The following SYTL5 variants were observed in gnomAD, a reference collection of about 807,000 sequenced individuals.
SYTL5 encodes synaptotagmin-like protein 5.
SYTL5 carries 34 observed loss-of-function variants against 55.9 expected under a neutral mutation model. That is an observed-to-expected ratio of 0.61 (90% confidence interval 0.46 to 0.81). SYTL5 has a LOEUF of 0.81. Ranked by LOEUF, SYTL5 falls within the 30% of genes least tolerant of loss-of-function variation. SYTL5 has a pLI of 0.00. For synonymous variants in SYTL5, 221 were observed against 188.7 expected, an observed-to-expected ratio of 1.17 and a Z score of -1.40; for missense variants, 637 against 546.7, an observed-to-expected ratio of 1.17 and a Z score of -1.65.
the SYTL5 span, among the ~76,000 whole-genome samples, chrX:37,927,494 G>A: frequency 1.8e-5 from 2 of 111,109 alleles, no homozygotes; most frequent in Admixed American, 9.6e-5. Flanking sequence ...AAACTGGCAG[G>A]GCTAGGTGTG....
At chrX:38,093,642 A>G (rs1936851205) in intron 7 of SYTL5, among the ~76,000 whole-genome samples, 1 of 111,518 alleles carries the variant, frequency 9.0e-6, no homozygotes, top group African/African-American at 3.3e-5. Flanking sequence ...ACTGAATTCT[A>G]CCACATGTAC....
At chrX:37,889,598 T>A in the SYTL5 span, among the ~76,000 whole-genome samples, 3 of 111,199 alleles carry the variant, frequency 2.7e-5, no homozygotes, top group South Asian at 7.5e-4. Flanking sequence ...GGGGGGATAA[T>A]CATACAAAGA....
At chrX:38,024,801 C>T (rs1934699439) in intron 1 of SYTL5, among the ~76,000 whole-genome samples, 1 of 111,382 alleles carries the variant, frequency 9.0e-6, no homozygotes, top group African/African-American at 3.3e-5. Context: ...AAGTTGATGG[C>T]ACTGTTAGCC....
chrX:37,928,997 G>C, the SYTL5 span, among the ~76,000 whole-genome samples: 1 of 112,435 alleles, frequency 8.9e-6, no homozygotes, highest in East Asian at 2.8e-4. Flanking sequence ...CTTGGAGTTT[G>C]TGCTTGTAAC....
the SYTL5 span, among the ~76,000 whole-genome samples, chrX:37,911,341 G>C: frequency 9.0e-6 from 1 of 110,975 alleles, no homozygotes; most frequent in African/African-American, 3.3e-5. Context: ...TGAGAAAGTG[G>C]GAGAAAATGC....
intron 11 of SYTL5, among the ~76,000 whole-genome samples, chrX:38,107,905 A>G (rs1468197678): frequency 1.8e-5 from 2 of 112,249 alleles, no homozygotes; most frequent in African/African-American, 6.5e-5. Flanking sequence ...GAACTTTGGT[A>G]GCATCTTATA....
At chrX:38,116,016 A>C (rs1177310587) in intron 13 of SYTL5, among the ~76,000 whole-genome samples, 1 of 110,959 alleles carries the variant, frequency 9.0e-6, no homozygotes, top group South Asian at 3.8e-4. Flanking sequence ...AATTTCCCAG[A>C]CCTATGTTGT....
At chrX:38,000,445 G>T in the SYTL5 span, among the ~76,000 whole-genome samples, 3 of 112,522 alleles carry the variant, frequency 2.7e-5, no homozygotes, top group Non-Finnish European at 5.6e-5. Context: ...TGATGGACGT[G>T]TGGCTCACTT....
At chrX:38,094,231 T>C (rs896995148) in intron 7 of SYTL5, 64 bp from the exon 8 acceptor site, 1 of 1,006,565 alleles carries the variant, frequency 9.9e-7, no homozygotes, top group Non-Finnish European at 1.4e-6. Context: ...TATATTTATG[T>C]AGATGAATTT....
At chrX:38,080,739 A>G (rs1463334828) in intron 6 of SYTL5, among the ~76,000 whole-genome samples, 1 of 112,192 alleles carries the variant, frequency 8.9e-6, no homozygotes, top group Non-Finnish European at 1.9e-5. Flanking sequence ...AACCCATTCT[A>G]TCACTAAATG....
chrX:38,015,151 C>T (rs1015570924), intron 1 of SYTL5, among the ~76,000 whole-genome samples: 1 of 112,012 alleles, frequency 8.9e-6, no homozygotes, highest in African/African-American at 3.2e-5. Flanking sequence ...TACCATGACT[C>T]ATAAGGAAAA....
At chrX:38,062,936 A>T (rs1402133986) in intron 3 of SYTL5, among the ~76,000 whole-genome samples, 2 of 111,487 alleles carry the variant, frequency 1.8e-5, no homozygotes, top group Non-Finnish European at 3.8e-5. Flanking sequence ...CCAATGTTAG[A>T]ATTGTCCCCA....
chrX:38,022,794 C>T (rs1464075590), intron 1 of SYTL5, among the ~76,000 whole-genome samples: 1 of 112,059 alleles, frequency 8.9e-6, no homozygotes, highest in Non-Finnish European at 1.9e-5. Flanking sequence ...GATAGCTAAG[C>T]TAAACTAGGA....
At chrX:38,034,834 A>G (rs751566682) in intron 2 of SYTL5, among the ~76,000 whole-genome samples, 1 of 111,979 alleles carries the variant, frequency 8.9e-6, no homozygotes, top group East Asian at 2.8e-4. Context: ...GTTTTAAAAT[A>G]TATTTGGTCA....
intron 1 of SYTL5, among the ~76,000 whole-genome samples, chrX:38,015,953 G>T (rs897074443): frequency 9.0e-6 from 1 of 111,258 alleles, no homozygotes; most frequent in Non-Finnish European, 1.9e-5. Context: ...CTCTAGACCA[G>T]AATGGCCTTG....
At chrX:37,894,828 A>T in the SYTL5 span, among the ~76,000 whole-genome samples, 1 of 110,034 alleles carries the variant, frequency 9.1e-6, no homozygotes, top group African/African-American at 3.3e-5. Context: ...TTTGAGCCTG[A>T]GACATGCATT....
chrX:37,913,412 A>G, the SYTL5 span, among the ~76,000 whole-genome samples: 1 of 112,764 alleles, frequency 8.9e-6, no homozygotes, highest in East Asian at 2.8e-4. Context: ...AGCTATGTCT[A>G]TTGGACATCT....
At chrX:37,943,979 A>G in the SYTL5 span, among the ~76,000 whole-genome samples, 1 of 110,774 alleles carries the variant, frequency 9.0e-6, no homozygotes, top group African/African-American at 3.3e-5. Context: ...GAACACACTA[A>G]TCTAGATGAT....
the SYTL5 span, among the ~76,000 whole-genome samples, chrX:37,915,547 AATGACC>A: frequency 8.9e-6 from 1 of 112,182 alleles, no homozygotes; most frequent in Non-Finnish European, 1.9e-5. Context: ...CGGTGGATCT[AATGACC>A]TAAATTTTAA....
Sources: allele counts gnomAD v4.1 joint callset (sites outside exome capture counted in the v4.1 genomes callset), GRCh38; gene constraint gnomAD v4.1.1; transcripts MANE v1.5; gene names NCBI Gene and HGNC (gene_info 2026-07-23, HGNC 2026-07-21).